RNF168: variants seen among roughly 807,000 people sequenced by gnomAD.
The protein encoded by RNF168 is ring finger protein 168.
Under a neutral mutation model 34.9 loss-of-function variants are expected in RNF168, and 34 were observed. The observed-to-expected ratio is 0.97, with a 90% CI of 0.74 to 1.30. The LOEUF (loss-of-function observed/expected upper bound fraction) is 1.30. Ranked by LOEUF, RNF168 falls within the 50% of genes most tolerant of loss-of-function variation. RNF168 has a pLI of 0.00. For missense variants in RNF168, 725 were observed against 682.5 expected (o/e 1.06, Z -0.69); for synonymous variants, 264 against 254.7 (o/e 1.04, Z -0.35).
Position 196,472,452 on chromosome 3 carries a change from C to G in RNF168, c.1083G>C (p.Val361=), listed in dbSNP as rs1022956141. The G allele has an allele frequency of 6.2e-7, 1 of 1,613,810 alleles. No individual in the cohort carries two copies. Among genetic ancestry groups the G allele is most frequent in the African/African-American group, 1.3e-5 (1 of 74,904 alleles). Residue 361 remains valine, a synonymous_variant, in exon 6 of 6, where the codon GTG becomes GTC. Transcript: ENST00000318037. The part of the protein sequence containing the change: ...TESGCAPTSG[V]TQTNGNNTGE... ...CTGTGTTGTTTCCATTTGTCTGTGTCACCCCTGATGTGGGGGCGCACCCAC... is the reference window on the plus strand; with the variant it reads ...CTGTGTTGTTTCCATTTGTCTGTGTGACCCCTGATGTGGGGGCGCACCCAC...
intron 1 of RNF168, among the ~76,000 whole-genome samples, chr3:196,494,627 T>C (rs551726587): frequency 1.3e-5 from 2 of 152,224 alleles, no homozygotes; most frequent in South Asian, 2.1e-4. Context: ...AATAAAGAGA[T>C]AGTTAAAAAA....
intron 1 of RNF168, among the ~76,000 whole-genome samples, chr3:196,497,216 C>T (rs1048367086): frequency 1.3e-5 from 2 of 151,948 alleles, no homozygotes; most frequent in African/African-American, 4.8e-5. Context: ...TTAGAATCAA[C>T]GGATCAATGA....
At position 196,472,257 on chromosome 3, in the gene RNF168, G is replaced by A. The variant is rs115264746; in HGVS notation, c.1278C>T (p.Thr426=). The A allele has an allele frequency of 4.7e-4, 755 of 1,613,950 alleles. 3 individuals carry two copies. In the African/African-American group the frequency reaches 5.5e-3, roughly 12 times the overall value. ...PDQEETEINF[T]QKLIDLEHLL... Reference sequence around the variant, plus strand: ...GATGCTCCAAATCTATCAGTTTTTGGGTAAAGTTTATTTCTGTTTCCTCTT... The same window carrying A: ...GATGCTCCAAATCTATCAGTTTTTGAGTAAAGTTTATTTCTGTTTCCTCTT... The change falls in exon 6 of 6, where the codon ACC becomes ACT. Residue 426 remains threonine, a synonymous_variant. Transcript: ENST00000318037.
In RNF168 at chr3:196,483,911, A is replaced by C; in HGVS notation, c.559-20T>G. The C allele has an allele frequency of 1.9e-6, 3 of 1,579,082 alleles. No individual in the cohort carries two copies. On this transcript the variant is annotated intron_variant, in intron 3 of 5. Transcript: ENST00000318037. ...ATTGTTCTTCAACAATAGAAAAAGCATAACAGACATTATGAGAGAGAACTT... is the reference window on the plus strand; with the variant it reads ...ATTGTTCTTCAACAATAGAAAAAGCCTAACAGACATTATGAGAGAGAACTT...
intron 4 of RNF168, among the ~76,000 whole-genome samples, chr3:196,480,085 G>A (rs1732250294): frequency 6.6e-6 from 1 of 152,058 alleles, no homozygotes; most frequent in Admixed American, 6.6e-5. Flanking sequence ...TCTGGTGGGT[G>A]GTTTATACAC....
Position 196,498,517 on chromosome 3 carries a change from G to C in RNF168, c.301+4356C>G, listed in dbSNP as rs570415686. Reference sequence around the variant, plus strand: ...CTAAGTATTTAACCAAAAAAACCCTGAAAACATAAGGCCACACATACACAC... The same window carrying C: ...CTAAGTATTTAACCAAAAAAACCCTCAAAACATAAGGCCACACATACACAC... On this transcript the variant is annotated intron_variant, in intron 1 of 5. Transcript: ENST00000318037. Among the ~76,000 whole-genome samples the C allele has an allele frequency of 6.8e-4, 104 of 152,114 alleles. No individual in the cohort carries two copies. The South Asian group carries it at 0.016, about 23-fold the overall frequency.
At position 196,489,078 on chromosome 3, in the gene RNF168, G is replaced by C. The variant is rs576352890; in HGVS notation, c.302-395C>G. The stretch of plus-strand genomic sequence containing the variant: ...ACCACATTGGCCAGGCTGGTCTCGA[G>C]CTCCTGACCTCAAGTGATCCACCCG... On this transcript the variant is annotated intron_variant, in intron 1 of 5. Coordinates refer to ENST00000318037, the MANE Select transcript of RNF168 (RefSeq NM_152617.4). Among the ~76,000 whole-genome samples the C allele has an allele frequency of 6.3e-4, 95 of 151,840 alleles. 1 individual carries two copies. The highest frequency in any genetic ancestry group is 2.2e-3 in the African/African-American group (91 of 41,442).
At chr3:196,481,962 C>CTTT (rs1270244249) in intron 4 of RNF168, among the ~76,000 whole-genome samples, 14 of 135,382 alleles carry the variant, frequency 1.0e-4, no homozygotes, top group African/African-American at 3.3e-4. Flanking sequence ...CTGTCCCTGG[C>CTTT]TTTTTTTTTT....
chr3:196,487,325 C>G, intron 3 of RNF168, 74 bp downstream of exon 3: 1 of 1,233,142 alleles, frequency 8.1e-7, no homozygotes, highest in Non-Finnish European at 1.2e-6. Flanking sequence ...GGAGCTGACT[C>G]TTCCCATGAG....
intron 1 of RNF168, among the ~76,000 whole-genome samples, chr3:196,500,013 G>A (rs946122774): frequency 2.0e-5 from 3 of 152,140 alleles, no homozygotes; most frequent in Non-Finnish European, 2.9e-5. Context: ...GCAAGTGTTG[G>A]CGAGGGTGCA....
At chr3:196,502,811 G>A in intron 1 of RNF168, 62 bp downstream of exon 1, 3 of 1,405,924 alleles carry the variant, frequency 2.1e-6, no homozygotes, top group South Asian at 2.3e-5. Flanking sequence ...ATGGAAAAGT[G>A]ATGATTCACC....
intron 1 of RNF168, among the ~76,000 whole-genome samples, chr3:196,501,270 G>A (rs1174288972): frequency 1.3e-5 from 2 of 152,080 alleles, no homozygotes; most frequent in Non-Finnish European, 2.9e-5. Context: ...AACACATACT[G>A]GTACATAAAT....
chr3:196,471,529 G>A lies in RNF168; in HGVS notation c.*290C>T. 1 of 358,384 alleles carries A rather than the reference G, an allele frequency of 2.8e-6. No homozygotes were observed. The highest frequency in any genetic ancestry group is 5.4e-5 in the East Asian group (1 of 18,594). The allele number at this position is 358,384 out of a possible 1,614,324, so 22.2% of individuals were successfully genotyped here. A position where few individuals can be genotyped will look rare whatever the true frequency, so the allele number is the denominator to read the frequency against. On this transcript the variant is annotated 3_prime_UTR_variant, in exon 6 of 6. Transcript: ENST00000318037. ...AACATGCAGTTTTTGGAAAGACAAT[G>A]GCACTTGAAGATTTCCTGGAGTTGG...
At chr3:196,478,821 CAT>C (rs1303424060) in intron 4 of RNF168, among the ~76,000 whole-genome samples, 4 of 150,276 alleles carry the variant, frequency 2.7e-5, no homozygotes, top group African/African-American at 7.4e-5. Context: ...CATGCACCAC[CAT>C]GCCCAGCGAA....
chr3:196,471,736 G>A lies in RNF168; in HGVS notation c.*83C>T. 2.2e-6 allele frequency: 2 copies of A among 918,886 alleles called. No homozygotes were observed. Among genetic ancestry groups the A allele is most frequent in the South Asian group, 2.6e-5 (2 of 75,634 alleles). 56.9% of individuals were successfully genotyped at this position (918,886 alleles called of 1,614,324 possible). On this transcript the variant is annotated 3_prime_UTR_variant, in exon 6 of 6. Coordinates refer to ENST00000318037, the MANE Select transcript of RNF168 (RefSeq NM_152617.4). ...AGTGTGCCTAGAGAGCAGCATGAAT[G>A]ACACATGGATGAAGATTCCATGATA...
intron 1 of RNF168, among the ~76,000 whole-genome samples, chr3:196,489,817 C>A (rs563607406): frequency 1.3e-5 from 2 of 152,278 alleles, no homozygotes; most frequent in East Asian, 3.9e-4. Context: ...AACCGTGGGA[C>A]TGAAAACAGA....
rs568885337 is a variant in RNF168 at position 196,502,085 on chromosome 3, C to A, written c.301+788G>T. Among the ~76,000 whole-genome samples the A allele has an allele frequency of 2.0e-4, 26 of 131,690 alleles. No individual in the cohort carries two copies. In the East Asian group the frequency reaches 6.0e-3, roughly 30 times the overall value. 86.4% of individuals were successfully genotyped at this position (131,690 alleles called of 152,430 possible). On this transcript the variant is annotated intron_variant, in intron 1 of 5. Transcript: ENST00000318037. ...AAAAAAAAAAAAAAAAAAAAAAGACCTGTCCACGAGAGAACGGAGACACCA... is the reference window on the plus strand; with the variant it reads ...AAAAAAAAAAAAAAAAAAAAAAGACATGTCCACGAGAGAACGGAGACACCA...
intron 1 of RNF168, among the ~76,000 whole-genome samples, chr3:196,489,701 T>C (rs999822503): frequency 2.0e-5 from 3 of 152,016 alleles, no homozygotes; most frequent in Non-Finnish European, 2.9e-5. Flanking sequence ...ACAGCAGAAA[T>C]GAAGGAAAAG....
intron 4 of RNF168, among the ~76,000 whole-genome samples, chr3:196,481,472 C>G (rs1029747783): frequency 2.0e-5 from 3 of 151,818 alleles, no homozygotes; most frequent in Non-Finnish European, 4.4e-5. Flanking sequence ...TTCGATGTTC[C>G]ACTATGAAGT....
Sources: gnomAD v4.1 joint callset for allele counts (sites outside exome capture counted in the v4.1 genomes callset) on GRCh38, gnomAD v4.1.1 for gene constraint, MANE v1.5 for transcripts, NCBI Gene and HGNC (gene_info 2026-07-23, HGNC 2026-07-21) for gene names.